Variants in PLCG1 observed in about 807,000 individuals in gnomAD.
PLCG1 encodes 1-phosphatidylinositol 4,5-bisphosphate phosphodiesterase gamma-1.
In PLCG1, 71 loss-of-function variants were observed where a neutral mutation model predicts 177.8. The observed-to-expected ratio is 0.40, with a 90% CI of 0.33 to 0.49. The LOEUF (loss-of-function observed/expected upper bound fraction) is 0.49, where lower values mean the gene tolerates loss of function less well. Ranked by LOEUF, PLCG1 falls within the 20% of genes least tolerant of loss-of-function variation. The pLI, the probability that PLCG1 is intolerant of heterozygous loss-of-function variation, is 0.72. For missense variants in PLCG1, 1,281 were observed against 1,709.0 expected, an observed-to-expected ratio of 0.75 and a Z score of 4.42; for synonymous variants, 658 against 647.9, an observed-to-expected ratio of 1.02 and a Z score of -0.24.
chr20:41,172,509 G>A lies in PLCG1; in HGVS notation c.2994G>A (p.Lys998=), dbSNP rs1327357817. 3 of 1,614,108 alleles carry A rather than the reference G, an allele frequency of 1.9e-6. No individual in the cohort carries two copies. Among genetic ancestry groups the A allele is most frequent in the East Asian group, 4.5e-5 (2 of 44,902 alleles). The change falls in exon 26 of 32, where the codon AAG becomes AAA. Residue 998 remains lysine, a synonymous_variant. Coordinates refer to ENST00000685551, the MANE Select transcript of PLCG1 (RefSeq NM_002660.3). The surrounding 1 kb of genome is among the most constrained non-coding windows in gnomAD (Gnocchi z 7.0). ...AATACGTGAACAAGGCCAAAGGCAA[G>A]AAGTTCCTTCAGTACAATCGACTGC... is the stretch of plus-strand genomic sequence containing the variant. ...AEKYVNKAKG[K]KFLQYNRLQL...
chr20:41,150,890 C>A lies in PLCG1; in HGVS notation c.218-8716C>A, dbSNP rs145568134. Among the ~76,000 whole-genome samples, 16 of 152,332 alleles carry A rather than the reference C, an allele frequency of 1.1e-4. No homozygotes were observed. In the East Asian group the frequency reaches 3.1e-3, roughly 29 times the overall value. On this transcript the variant is annotated intron_variant, in intron 1 of 31. Coordinates refer to ENST00000685551, the MANE Select transcript of PLCG1 (RefSeq NM_002660.3). The surrounding 1 kb of genome is among the most constrained non-coding windows in gnomAD (Gnocchi z 4.0). ...GCATGACCTCATAGTTATCTGCTTC[C>A]CCATCTGTTTCCTCCATCAGGCAGG...
rs939027447 is a variant in PLCG1, at chr20:41,153,383, C to G, written c.218-6223C>G. The stretch of plus-strand genomic sequence containing the variant: ...TCCTACTCATCTGCAGCCTCAAACC[C>G]TTGGGCTCAAGTGATCTTTCCCACC... On this transcript the variant is annotated intron_variant, in intron 1 of 31. Transcript: ENST00000685551. This position sits in a 1 kb window ranked among gnomAD's most constrained non-coding sequence, Gnocchi z 5.1. Among the ~76,000 whole-genome samples the G allele has an allele frequency of 6.6e-6, 1 of 152,190 alleles. No individual in the cohort carries two copies. Among genetic ancestry groups the G allele is most frequent in the Non-Finnish European group, 1.5e-5 (1 of 68,028 alleles).
chr20:41,163,629 ACTCT>A lies in PLCG1; in HGVS notation c.892-80_892-77del. The A allele has an allele frequency of 9.1e-7, 1 of 1,096,312 alleles. No homozygotes were observed. The highest frequency in any genetic ancestry group is 1.4e-6 in the Non-Finnish European group (1 of 714,370). The allele number at this position is 1,096,312 out of a possible 1,614,324, so 67.9% of individuals were successfully genotyped here. On this transcript the variant is annotated intron_variant, in intron 9 of 31. Transcript: ENST00000685551. The surrounding 1 kb of genome is among the most constrained non-coding windows in gnomAD (Gnocchi z 5.2). The stretch of plus-strand genomic sequence containing the variant: ...TGCCCACCCCCAGTTGGGACAGAGC[ACTCT>A]CTCTCCTACCCCCAACCTACCATCT...
chr20:41,173,231 A>G lies in PLCG1; in HGVS notation c.3280-189A>G, dbSNP rs2035958177. 6.6e-6 allele frequency among the ~76,000 whole-genome samples: 1 copy of G among 152,184 alleles called. No individual in the cohort carries two copies. Among genetic ancestry groups the G allele is most frequent in the Non-Finnish European group, 1.5e-5 (1 of 68,032 alleles). On this transcript the variant is annotated intron_variant, in intron 27 of 31. Coordinates refer to ENST00000685551, the MANE Select transcript of PLCG1 (RefSeq NM_002660.3). The surrounding 1 kb of genome is among the most constrained non-coding windows in gnomAD (Gnocchi z 6.2). Reference sequence around the variant, plus strand: ...TTTGGCTAAAGCTCAGACTTCAGATAAACTACAGGCAGCAGCTGCTCTGGA... The same window carrying G: ...TTTGGCTAAAGCTCAGACTTCAGATGAACTACAGGCAGCAGCTGCTCTGGA...
Position 41,165,117 on chromosome 20 carries a change from T to C in PLCG1, c.1386+16T>C, listed in dbSNP as rs781662063. ...CCTCATCAAGGTGGGGTGGCGGGCTTATTGCGGAAGCCCCACACTTCTCAG... is the reference window on the plus strand; with the variant it reads ...CCTCATCAAGGTGGGGTGGCGGGCTCATTGCGGAAGCCCCACACTTCTCAG... On this transcript the variant is annotated intron_variant, in intron 13 of 31. Transcript: ENST00000685551. This position sits in a 1 kb window ranked among gnomAD's most constrained non-coding sequence, Gnocchi z 6.6. 3.7e-6 allele frequency: 6 copies of C among 1,608,362 alleles called. No homozygotes were observed. The African/African-American group carries it at 4.0e-5, about 11-fold the overall frequency.
At position 41,164,349 on chromosome 20, in the gene PLCG1, C is replaced by G. The variant is rs1427293941; in HGVS notation, c.1217+148C>G. ...CCTTCCTCTTGGCCTCTCCTCGTCA[C>G]CTGCTCCCTGCTTGAGCTGTTGCTT... On this transcript the variant is annotated intron_variant, in intron 12 of 31. Transcript: ENST00000685551. This position sits in a 1 kb window ranked among gnomAD's most constrained non-coding sequence, Gnocchi z 6.4. The G allele has an allele frequency of 3.0e-5, 23 of 754,644 alleles. No homozygotes were observed. The highest frequency in any genetic ancestry group is 4.3e-5 in the Non-Finnish European group (20 of 464,178). The allele number at this position is 754,644 out of a possible 1,614,324, so 46.7% of individuals were successfully genotyped here. A position where few individuals can be genotyped will look rare whatever the true frequency, so the allele number is the denominator to read the frequency against.
rs746437684 is a variant in PLCG1, at chr20:41,165,526, A to C, written c.1586A>C (p.Asn529Thr). The change falls in exon 15 of 32, where the codon AAC becomes ACC. Residue 529 changes from asparagine to threonine, a missense_variant. Asn to Thr is a moderately conservative substitution (Grantham distance 65). Transcript: ENST00000685551. The surrounding 1 kb of genome is among the most constrained non-coding windows in gnomAD (Gnocchi z 6.6). The stretch of plus-strand genomic sequence containing the variant: ...GAGGAGACCAGCAGTGACCAGGGCA[A>C]CGAGGATGAGGAGGAGCCCAAGGAG... ...YSEETSSDQG[N>T]EDEEEPKEVS... The C allele has an allele frequency of 6.2e-7, 1 of 1,613,966 alleles. No individual in the cohort carries two copies. The highest frequency in any genetic ancestry group is 8.5e-7 in the Non-Finnish European group (1 of 1,179,886).
In PLCG1 at chr20:41,174,616, A is replaced by G. The variant is rs2036007451; in HGVS notation, c.*107A>G. The G allele has an allele frequency of 1.1e-6, 1 of 905,698 alleles. No individual in the cohort carries two copies. Among genetic ancestry groups the G allele is most frequent in the Non-Finnish European group, 1.8e-6 (1 of 564,292 alleles). The allele number at this position is 905,698 out of a possible 1,614,324, so 56.1% of individuals were successfully genotyped here. ...CCTGTGGCGGCCTTCCGGGTCTCGCAGCCTGAAGCCTGGATTCCAGCAGTG... is the reference window on the plus strand; with the variant it reads ...CCTGTGGCGGCCTTCCGGGTCTCGCGGCCTGAAGCCTGGATTCCAGCAGTG... On this transcript the variant is annotated 3_prime_UTR_variant, in exon 32 of 32. Transcript: ENST00000685551. This position sits in a 1 kb window ranked among gnomAD's most constrained non-coding sequence, Gnocchi z 5.8.
In PLCG1 at chr20:41,156,809, TG is replaced by T. The variant is rs1256594563; in HGVS notation, c.218-2795del. 1.3e-5 allele frequency among the ~76,000 whole-genome samples: 2 copies of T among 152,236 alleles called. No individual in the cohort carries two copies. Among genetic ancestry groups the T allele is most frequent in the Non-Finnish European group, 2.9e-5 (2 of 68,034 alleles). On this transcript the variant is annotated intron_variant, in intron 1 of 31. Transcript: ENST00000685551. This position sits in a 1 kb window ranked among gnomAD's most constrained non-coding sequence, Gnocchi z 5.0. ...AGGTCTGACCCAGACTGTGCCAGAC[TG>T]GATCATTCGCTCTGTCACCTGCCAC...
rs968294364 is a variant in PLCG1, at chr20:41,147,430, C to G, written c.217+9572C>G. 1.3e-5 allele frequency among the ~76,000 whole-genome samples: 2 copies of G among 152,234 alleles called. No individual in the cohort carries two copies. Among genetic ancestry groups the G allele is most frequent in the African/African-American group, 4.8e-5 (2 of 41,462 alleles). ...CCGGAAGCATGAAGCTCCATACAATCATGTGTGCTAGTAAAGTTTGGGCAA... is the reference window on the plus strand; with the variant it reads ...CCGGAAGCATGAAGCTCCATACAATGATGTGTGCTAGTAAAGTTTGGGCAA... On this transcript the variant is annotated intron_variant, in intron 1 of 31. Transcript: ENST00000685551. The surrounding 1 kb of genome is among the most constrained non-coding windows in gnomAD (Gnocchi z 4.0).
Position 41,172,320 on chromosome 20 carries a change from TGTGCCTGGA to T in PLCG1, c.2905+33_2905+41del, listed in dbSNP as rs767357644. The T allele has an allele frequency of 7.5e-6, 12 of 1,590,650 alleles. No homozygotes were observed. The African/African-American group carries it at 1.3e-4, about 18-fold the overall frequency. Reference sequence around the variant, plus strand: ...GGCCAGGGCCCAGGCGGGGTGTGCATGTGCCTGGAGGGCCTGGTGGGTGCAAAAAGAGTA... The same window carrying T: ...GGCCAGGGCCCAGGCGGGGTGTGCATGGGCCTGGTGGGTGCAAAAAGAGTA... On this transcript the variant is annotated intron_variant, in intron 25 of 31. Coordinates refer to ENST00000685551, the MANE Select transcript of PLCG1 (RefSeq NM_002660.3). This position sits in a 1 kb window ranked among gnomAD's most constrained non-coding sequence, Gnocchi z 7.0.
In PLCG1 at chr20:41,166,119, T is replaced by G; in HGVS notation, c.1800-75T>G. 7 of 1,300,396 alleles carry G rather than the reference T, an allele frequency of 5.4e-6. No homozygotes were observed. The highest frequency in any genetic ancestry group is 7.6e-6 in the Non-Finnish European group (7 of 917,346). The allele number at this position is 1,300,396 out of a possible 1,614,324, so 80.6% of individuals were successfully genotyped here. A position where few individuals can be genotyped will look rare whatever the true frequency, so the allele number is the denominator to read the frequency against. On this transcript the variant is annotated intron_variant, in intron 16 of 31. Transcript: ENST00000685551. The surrounding 1 kb of genome is among the most constrained non-coding windows in gnomAD (Gnocchi z 8.6). ...GAGGCTCCCTCCTTGAGTTCCACCC[T>G]CATTTGGGGTGGAACTTGGTCTTTG...
rs2035057047 is a variant in PLCG1, at chr20:41,148,232, A to G, written c.217+10374A>G. ...TGTCCAAGAGGTGGCAGTAACACAG[A>G]AACCAAAGAGGCAGGAACCAAGGTT... On this transcript the variant is annotated intron_variant, in intron 1 of 31. Transcript: ENST00000685551. The surrounding 1 kb of genome is among the most constrained non-coding windows in gnomAD (Gnocchi z 4.3). Among the ~76,000 whole-genome samples the G allele has an allele frequency of 6.6e-6, 1 of 152,202 alleles. No homozygotes were observed. The highest frequency in any genetic ancestry group is 1.5e-5 in the Non-Finnish European group (1 of 68,038).
At position 41,166,775 on chromosome 20, in the gene PLCG1, C is replaced by T. The variant is rs775496702; in HGVS notation, c.2217C>T (p.Ser739=). The T allele has an allele frequency of 6.2e-7, 1 of 1,614,018 alleles. No individual in the cohort carries two copies. The highest frequency in any genetic ancestry group is 1.7e-5 in the Admixed American group (1 of 60,022). ...TCGACAGCCTTGTTGACCTCATCAGCTACTATGAGAAACACCCGCTATACC... is the reference window on the plus strand; with the variant it reads ...TCGACAGCCTTGTTGACCTCATCAGTTACTATGAGAAACACCCGCTATACC... ...SEFDSLVDLI[S]YYEKHPLYRK... The change falls in exon 19 of 32, where the codon AGC becomes AGT. Residue 739 remains serine (S), a synonymous_variant. Transcript: ENST00000685551. The surrounding 1 kb of genome is among the most constrained non-coding windows in gnomAD (Gnocchi z 8.6).
Position 41,163,783 on chromosome 20 carries a change from C to T in PLCG1, c.960C>T (p.Asp320=). ...WNSQLDAVCP[D]TMNNPLSHYW... is the part of the protein sequence containing the mutation. ...CGCAGCTGGATGCAGTATGCCCGGACACCATGAACAACCCTCTTTCCCACT... is the reference window on the plus strand; with the variant it reads ...CGCAGCTGGATGCAGTATGCCCGGATACCATGAACAACCCTCTTTCCCACT... The change falls in exon 10 of 32, where the codon GAC becomes GAT. Residue 320 remains aspartate (D), a synonymous_variant. Transcript: ENST00000685551. The surrounding 1 kb of genome is among the most constrained non-coding windows in gnomAD (Gnocchi z 5.2). 6.2e-7 allele frequency: 1 copy of T among 1,613,966 alleles called. No individual in the cohort carries two copies. The highest frequency in any genetic ancestry group is 1.7e-5 in the Admixed American group (1 of 60,036).
chr20:41,141,392 G>T (rs577252471), intron 1 of PLCG1, among the ~76,000 whole-genome samples: 3 of 152,268 alleles, frequency 2.0e-5, no homozygotes, highest in Non-Finnish European at 2.9e-5. Flanking sequence ...TGAGGGTGGC[G>T]GAAGAAAACA....
rs1270824169 is a variant in PLCG1 at position 41,173,472 on chromosome 20, T to C, written c.3332T>C (p.Phe1111Ser). 6.2e-7 allele frequency: 1 copy of C among 1,613,772 alleles called. No homozygotes were observed. The highest frequency in any genetic ancestry group is 1.7e-5 in the Admixed American group (1 of 60,004). ...PKNGRGIVCP[F>S]VEIEVAGAEY... The stretch of plus-strand genomic sequence containing the variant: ...AATGGCCGAGGCATTGTGTGTCCTT[T>C]TGTGGAGATTGAGGTGGCTGGAGCT... The change falls in exon 28 of 32, where the codon TTT becomes TCT. Residue 1111 changes from phenylalanine (F) to serine (S), a missense_variant. Physicochemically the swap from Phe to Ser is radical, Grantham distance 155. Coordinates refer to ENST00000685551, the MANE Select transcript of PLCG1 (RefSeq NM_002660.3). This position sits in a 1 kb window ranked among gnomAD's most constrained non-coding sequence, Gnocchi z 6.2.
rs2035945952 is a variant in PLCG1, at chr20:41,172,835, G to A, written c.3237G>A (p.Lys1079=). The change falls in exon 27 of 32, where the codon AAG becomes AAA. Residue 1079 remains lysine (K), a synonymous_variant. Coordinates refer to ENST00000685551, the MANE Select transcript of PLCG1 (RefSeq NM_002660.3). The surrounding 1 kb of genome is among the most constrained non-coding windows in gnomAD (Gnocchi z 7.0). ...ATGAGGCCTTCGACCCCTTTGACAAGAGCAGCCTCCGCGGGCTGGAGCCAT... is the reference window on the plus strand; with the variant it reads ...ATGAGGCCTTCGACCCCTTTGACAAAAGCAGCCTCCGCGGGCTGGAGCCAT... ...MRDEAFDPFD[K]SSLRGLEPCA... 6.2e-7 allele frequency: 1 copy of A among 1,614,182 alleles called. No homozygotes were observed. The highest frequency in any genetic ancestry group is 1.1e-5 in the South Asian group (1 of 91,086).
rs2035008633 is a variant in PLCG1 at position 41,146,810 on chromosome 20, T to C, written c.217+8952T>C. ...TGGGTTCTGGCTGTGTAGGTGTGGA[T>C]GTGTGGTGGGAGAATTCCAACCCCA... On this transcript the variant is annotated intron_variant, in intron 1 of 31. Coordinates refer to ENST00000685551, the MANE Select transcript of PLCG1 (RefSeq NM_002660.3). The surrounding 1 kb of genome is among the most constrained non-coding windows in gnomAD (Gnocchi z 6.3). Among the ~76,000 whole-genome samples, 1 of 152,162 alleles carries C rather than the reference T, an allele frequency of 6.6e-6. No homozygotes were observed. The highest frequency in any genetic ancestry group is 2.1e-4 in the South Asian group (1 of 4,832).
Sources: gnomAD v4.1 joint callset for allele counts (sites outside exome capture counted in the v4.1 genomes callset) on GRCh38, gnomAD v4.1.1 for gene constraint, Gnocchi (gnomAD v3.1) non-coding constraint, MANE v1.5 for transcripts, NCBI Gene and HGNC (gene_info 2026-07-23, HGNC 2026-07-21) for gene names.